ACSS1: variants seen among roughly 807,000 people sequenced by gnomAD.
ACSS1 encodes acyl-CoA synthetase short chain family member 1.
In ACSS1, 42 loss-of-function variants were observed where a neutral mutation model predicts 75.3. That is an observed-to-expected ratio of 0.56 (90% CI 0.44 to 0.72). The LOEUF (loss-of-function observed/expected upper bound fraction) is 0.72. Ranked by LOEUF, ACSS1 falls within the 30% of genes least tolerant of loss-of-function variation. The pLI, the probability that ACSS1 is intolerant of heterozygous loss-of-function variation, is 0.00. For synonymous variants in ACSS1, 380 were observed against 376.8 expected (o/e 1.01, Z -0.10); for missense variants, 782 against 935.7 (o/e 0.84, Z 2.14).
At chr20:25,039,770 C>T (rs2088971936) in intron 2 of ACSS1, among the ~76,000 whole-genome samples, 1 of 152,280 alleles carries the variant, frequency 6.6e-6, no homozygotes, top group African/African-American at 2.4e-5. Context: ...CAGAGAAGCT[C>T]TGTCCTCATT....
In ACSS1 at chr20:25,048,065, AAC is replaced by A; in HGVS notation, c.431+18_431+19del. 1 of 1,611,938 alleles carries A rather than the reference AAC, an allele frequency of 6.2e-7. No homozygotes were observed. The highest frequency in any genetic ancestry group is 1.1e-5 in the South Asian group (1 of 90,830). ...GGCTGGGCGCCTCCCTCGCACCTTG[AAC>A]ATTCGAGGGCACAGTACCTGTAGGT... On this transcript the variant is annotated intron_variant, in intron 2 of 13. Transcript: ENST00000323482.
Position 25,057,928 on chromosome 20 carries a change from G to T in ACSS1, c.175C>A (p.Pro59Thr), listed in dbSNP as rs750043376. 6.2e-7 allele frequency: 1 copy of T among 1,609,928 alleles called. No homozygotes were observed. Among genetic ancestry groups the T allele is most frequent in the Non-Finnish European group, 8.5e-7 (1 of 1,178,578 alleles). The change falls in exon 1 of 14, where the codon CCC becomes ACC. Residue 59 changes from proline (P) to threonine (T), a missense_variant. Physicochemically the swap from Pro to Thr is conservative, Grantham distance 38. Coordinates refer to ENST00000323482, the MANE Select transcript of ACSS1 (RefSeq NM_032501.4). ...CGGGCTGCCTGTGCACTCAGCGCGG[G>T]ATACGAGCCTGGCTGTGCTGCTGCT... Reference protein sequence around the residue: ...AAAAAQPGSYPALSAQAAREP... With the variant: ...AAAAAQPGSYTALSAQAAREP...
intron 2 of ACSS1, among the ~76,000 whole-genome samples, chr20:25,042,595 G>A (rs528129194): frequency 1.3e-5 from 2 of 152,240 alleles, no homozygotes; most frequent in South Asian, 4.1e-4. Context: ...ATAAGGGAGT[G>A]TGCTCACTAG....
rs1209247849 is a variant in ACSS1 at position 25,013,527 on chromosome 20, C to T, written c.1579+9G>A. ...AAAGGAATGAGAGGGTCCCTGACAG[C>T]CTGCTCACCTGGGTAGGCCTTGAAG... On this transcript the variant is annotated intron_variant, in intron 10 of 13. Transcript: ENST00000323482. 1.9e-5 allele frequency: 30 copies of T among 1,581,834 alleles called. No homozygotes were observed. The highest frequency in any genetic ancestry group is 2.4e-5 in the Non-Finnish European group (28 of 1,157,952).
In ACSS1 at chr20:25,007,221, C is replaced by T; in HGVS notation, c.*541G>A. 1 of 1,194,654 alleles carries T rather than the reference C, an allele frequency of 8.4e-7. No homozygotes were observed. The highest frequency in any genetic ancestry group is 1.0e-6 in the Non-Finnish European group (1 of 960,502). The allele number at this position is 1,194,654 out of a possible 1,614,324, so 74.0% of individuals were successfully genotyped here. A position where few individuals can be genotyped will look rare whatever the true frequency, so the allele number is the denominator to read the frequency against. On this transcript the variant is annotated 3_prime_UTR_variant, in exon 14 of 14. Coordinates refer to ENST00000323482, the MANE Select transcript of ACSS1 (RefSeq NM_032501.4). The stretch of plus-strand genomic sequence containing the variant: ...AATGTGGCCTCTGATCCTCATGTTT[C>T]CTCACCAGTAGAGGCAAAAAAGGAG...
chr20:25,022,925 C>T lies in ACSS1; in HGVS notation c.960+15G>A, dbSNP rs765717375. 1.9e-5 allele frequency: 31 copies of T among 1,596,124 alleles called. No individual in the cohort carries two copies. The highest frequency in any genetic ancestry group is 1.7e-4 in the Middle Eastern group (1 of 5,802). On this transcript the variant is annotated intron_variant, in intron 5 of 13. Transcript: ENST00000323482. ...TCCCTGCCAAGGGCCCAGCACCGCC[C>T]GCACAGGCCTGTACCTTGTGAGTCA...
intron 2 of ACSS1, among the ~76,000 whole-genome samples, chr20:25,047,192 G>A (rs1358420119): frequency 6.6e-6 from 1 of 152,226 alleles, no homozygotes; most frequent in East Asian, 1.9e-4. Flanking sequence ...TGGCAGGGCA[G>A]TGACCGCTGC....
chr20:25,049,990 G>A (rs2089153992), intron 1 of ACSS1, among the ~76,000 whole-genome samples: 1 of 152,172 alleles, frequency 6.6e-6, no homozygotes. Flanking sequence ...ACGGAAGACA[G>A]AACAGTTGAG....
At chr20:25,032,649 C>A (rs997651074) in intron 2 of ACSS1, 3 of 1,222,062 alleles carry the variant, frequency 2.5e-6, no homozygotes, top group Admixed American at 4.3e-5. Context: ...CTCTCAAGGC[C>A]GCTCGCAGCG....
chr20:25,038,448 G>C (rs2088950065), intron 2 of ACSS1, among the ~76,000 whole-genome samples: 1 of 152,192 alleles, frequency 6.6e-6, no homozygotes, highest in African/African-American at 2.4e-5. Flanking sequence ...GTAAACAGTG[G>C]CCATAATGAC....
intron 2 of ACSS1, among the ~76,000 whole-genome samples, chr20:25,034,304 A>C (rs2088874395): frequency 1.3e-5 from 2 of 152,178 alleles, no homozygotes; most frequent in Non-Finnish European, 2.9e-5. Context: ...GCAGCTCTTC[A>C]AACTCCACCC....
At chr20:25,032,261 G>A in intron 2 of ACSS1, 1 of 1,030,574 alleles carries the variant, frequency 9.7e-7, no homozygotes, top group Non-Finnish European at 1.3e-6. Flanking sequence ...TCATCTCTCT[G>A]GGCAAGCTGA....
intron 2 of ACSS1, among the ~76,000 whole-genome samples, chr20:25,032,974 T>C (rs547142359): frequency 6.6e-6 from 1 of 152,310 alleles, no homozygotes; most frequent in South Asian, 2.1e-4. Context: ...AAGGCGCCTT[T>C]CAGTGGCGCC....
intron 6 of ACSS1, among the ~76,000 whole-genome samples, 188 bp from the exon 7 acceptor site, chr20:25,020,335 A>T (rs2088600370): frequency 8.2e-6 from 1 of 122,468 alleles, no homozygotes; most frequent in African/African-American, 3.2e-5. Context: ...ACAGGTCCCC[A>T]ATGGCCGCTC....
intron 5 of ACSS1, 119 bp downstream of exon 5, chr20:25,022,820 GC>G: frequency 7.3e-7 from 1 of 1,363,068 alleles, no homozygotes; most frequent in African/African-American, 1.5e-5. Flanking sequence ...CCCCGAATAG[GC>G]CAGGAAGAAA....
chr20:25,047,182 T>C (rs1346818186), intron 2 of ACSS1, among the ~76,000 whole-genome samples: 1 of 152,016 alleles, frequency 6.6e-6, no homozygotes, highest in Non-Finnish European at 1.5e-5. Flanking sequence ...GTCACCCGAG[T>C]GGCAGGGCAG....
chr20:25,054,891 G>A (rs934598704), intron 1 of ACSS1, among the ~76,000 whole-genome samples: 5 of 152,212 alleles, frequency 3.3e-5, no homozygotes, highest in African/African-American at 1.2e-4. Flanking sequence ...GAAACAAGGA[G>A]AGTGAAAGAT....
rs117592542 is a variant in ACSS1 at position 25,028,906 on chromosome 20, G to A, written c.631+1853C>T. Among the ~76,000 whole-genome samples, 473 of 151,102 alleles carry A rather than the reference G, an allele frequency of 3.1e-3. 6 individuals carry two copies. Among genetic ancestry groups the A allele is most frequent in the Middle Eastern group, 0.027 (8 of 294 alleles). On this transcript the variant is annotated intron_variant, in intron 3 of 13. Transcript: ENST00000323482. ...CTGCACTCCAGCCTGGCAACAGAGCGAGAATCCATCTCAAAAAGAAAAAAA... is the reference window on the plus strand; with the variant it reads ...CTGCACTCCAGCCTGGCAACAGAGCAAGAATCCATCTCAAAAAGAAAAAAA...
chr20:25,021,597 G>A, intron 5 of ACSS1, 61 bp from the exon 6 acceptor site: 2 of 1,579,990 alleles, frequency 1.3e-6, no homozygotes, highest in South Asian at 1.2e-5. Context: ...GTTCACACCA[G>A]GTCACTAGGA....
Sources: gnomAD v4.1 joint callset for allele counts (sites outside exome capture counted in the v4.1 genomes callset) on GRCh38, gnomAD v4.1.1 for gene constraint, MANE v1.5 for transcripts, NCBI Gene and HGNC (gene_info 2026-07-23, HGNC 2026-07-21) for gene names.